Variants in RGPD4 observed in about 807,000 individuals in gnomAD.
The protein encoded by RGPD4 is ranBP2-like and GRIP domain-containing protein 4.
RGPD4 carries 84 observed loss-of-function variants against 141.1 expected under a neutral mutation model. That is an observed-to-expected ratio of 0.60 (90% CI 0.50 to 0.71). The LOEUF is 0.71. Among genes scored for constraint, RGPD4 ranks in the 30% least tolerant of loss-of-function variants. The probability of loss-of-function intolerance (pLI) is 0.00; values close to 1 mark genes in which losing one functional copy is unlikely to be tolerated. For synonymous variants in RGPD4, 298 were observed against 566.8 expected (o/e 0.53, Z 6.74); for missense variants, 918 against 1,622.4 (o/e 0.57, Z 7.46).
intron 7 of RGPD4, 36 bp downstream of exon 7, chr2:107,848,572 G>A: frequency 9.3e-6 from 1 of 106,976 alleles, no homozygotes. Context: ...ACATTTCACG[G>A]AGTCTTGATG....
intron 1 of RGPD4, among the ~76,000 whole-genome samples, chr2:107,827,583 G>C (rs867723948): frequency 7.0e-5 from 3 of 43,154 alleles, no homozygotes; most frequent in Non-Finnish European, 9.4e-5. Flanking sequence ...CTGTTGAGGC[G>C]GCGGCCTCGA....
At position 107,870,849 on chromosome 2, in the gene RGPD4, G is replaced by T. The variant is rs779774140; in HGVS notation, c.2845G>T (p.Ala949Ser). The T allele has an allele frequency of 6.2e-7, 1 of 1,610,540 alleles. No individual in the cohort carries two copies. Among genetic ancestry groups the T allele is most frequent in the Non-Finnish European group, 8.5e-7 (1 of 1,179,464 alleles). Residue 949 changes from alanine (A) to serine (S), a missense_variant, in exon 20 of 23, where the codon GCT becomes TCT. Coordinates refer to ENST00000408999, the MANE Select transcript of RGPD4 (RefSeq NM_182588.3). ...TCTTGAAAATGATACTGGCTTCCAGGCTCAGGATATTAGTGGCCAGAAGAA... is the reference window on the plus strand; with the variant it reads ...TCTTGAAAATGATACTGGCTTCCAGTCTCAGGATATTAGTGGCCAGAAGAA... ...KPLENDTGFQ[A>S]QDISGQKNGR...
At chr2:107,873,190 C>T (rs1357747695) in intron 20 of RGPD4, among the ~76,000 whole-genome samples, 6 of 56,544 alleles carry the variant, frequency 1.1e-4, no homozygotes, top group Admixed American at 1.8e-4. Flanking sequence ...GTACAGTGTA[C>T]GGACTCATGC....
chr2:107,831,552 A>C (rs1039600553), intron 1 of RGPD4, among the ~76,000 whole-genome samples: 32 of 85,732 alleles, frequency 3.7e-4, no homozygotes, highest in Admixed American at 4.8e-4. Flanking sequence ...CATTTTAGAC[A>C]TTTTCTTTTC....
At chr2:107,845,683 C>G (rs1380947365) in intron 6 of RGPD4, among the ~76,000 whole-genome samples, 3 of 152,282 alleles carry the variant, frequency 2.0e-5, no homozygotes, top group Non-Finnish European at 4.4e-5. Context: ...TCTGCCTCAG[C>G]CTCCTGAGTA....
intron 21 of RGPD4, 124 bp downstream of exon 21, chr2:107,880,231 T>C: frequency 7.7e-7 from 1 of 1,293,584 alleles, no homozygotes; most frequent in Non-Finnish European, 1.1e-6. Flanking sequence ...GATCTTTATA[T>C]TAGATTCCTG....
At chr2:107,882,295 TCTC>T (rs1398264161) in intron 21 of RGPD4, among the ~76,000 whole-genome samples, 2 of 149,702 alleles carry the variant, frequency 1.3e-5, no homozygotes, top group African/African-American at 4.9e-5. Flanking sequence ...ATCTACTTTT[TCTC>T]CTCTTGTATT....
intron 9 of RGPD4, among the ~76,000 whole-genome samples, chr2:107,857,855 G>C (rs1339449773): frequency 3.3e-5 from 5 of 151,756 alleles, no homozygotes; most frequent in African/African-American, 1.2e-4. Flanking sequence ...ATCCGGGGGT[G>C]GTGGCATGTG....
chr2:107,881,896 G>T (rs1171863189), intron 21 of RGPD4, among the ~76,000 whole-genome samples: 1 of 151,588 alleles, frequency 6.6e-6, no homozygotes, highest in Non-Finnish European at 1.5e-5. Flanking sequence ...CTGAACTTTT[G>T]ATTAAGTGCC....
rs1238600973 is a variant in RGPD4, at chr2:107,871,878, T to C, written c.3874T>C (p.Ser1292Pro). The change falls in exon 20 of 23, where the codon TCT becomes CCT. Residue 1292 changes from serine to proline, a missense_variant. Ser to Pro is a moderately conservative substitution (Grantham distance 74). Transcript: ENST00000408999. ...LFHFGESTTG[S>P]NFSFKSALSP... The stretch of plus-strand genomic sequence containing the variant: ...CCATTTTGGTGAGTCAACAACAGGA[T>C]CTAACTTCAGTTTTAAATCTGCTTT... 2 of 1,611,648 alleles carry C rather than the reference T, an allele frequency of 1.2e-6. No homozygotes were observed. Among genetic ancestry groups the C allele is most frequent in the Admixed American group, 3.3e-5 (2 of 59,994 alleles).
In RGPD4 at chr2:107,827,334, C is replaced by A. The variant is rs1443814079; in HGVS notation, c.72+249C>A. Among the ~76,000 whole-genome samples, 11 of 125,466 alleles carry A rather than the reference C, an allele frequency of 8.8e-5. 1 individual carries two copies. Among genetic ancestry groups the A allele is most frequent in the Non-Finnish European group, 1.7e-4 (10 of 59,334 alleles). The allele number at this position is 125,466 out of a possible 152,430, so 82.3% of individuals were successfully genotyped here. On this transcript the variant is annotated intron_variant, in intron 1 of 22. Transcript: ENST00000408999. ...AGGCGGCGGCCTCGACCCGGCCCGGCGGCGGCCTCGATGGCTCAGGCGTCA... is the reference window on the plus strand; with the variant it reads ...AGGCGGCGGCCTCGACCCGGCCCGGAGGCGGCCTCGATGGCTCAGGCGTCA...
Position 107,871,799 on chromosome 2 carries a change from T to C in RGPD4, c.3795T>C (p.Ser1265=), listed in dbSNP as rs1488026162. 1 of 1,611,432 alleles carries C rather than the reference T, an allele frequency of 6.2e-7. No individual in the cohort carries two copies. Among genetic ancestry groups the C allele is most frequent in the Non-Finnish European group, 8.5e-7 (1 of 1,179,870 alleles). ...REDALDDSVS[S]SSVHASPLAS... ...ATGCTTTGGATGATAGTGTCAGTAGTAGCTCAGTACATGCTTCTCCATTGG... is the reference window on the plus strand; with the variant it reads ...ATGCTTTGGATGATAGTGTCAGTAGCAGCTCAGTACATGCTTCTCCATTGG... The change falls in exon 20 of 23, where the codon AGT becomes AGC. Residue 1265 remains serine (S), a synonymous_variant. Transcript: ENST00000408999.
At position 107,871,371 on chromosome 2, in the gene RGPD4, C is replaced by T. The variant is rs1682912432; in HGVS notation, c.3367C>T (p.Leu1123=). ...WITTTMNLKP[L]SGSDRAWMWS... is the part of the protein sequence containing the mutation. Reference sequence around the variant, plus strand: ...AACGACTACAATGAACCTGAAGCCCCTGTCTGGATCAGATAGAGCATGGAT... The same window carrying T: ...AACGACTACAATGAACCTGAAGCCCTTGTCTGGATCAGATAGAGCATGGAT... The change falls in exon 20 of 23, where the codon CTG becomes TTG. Residue 1123 remains leucine, a synonymous_variant. Transcript: ENST00000408999. 1.9e-6 allele frequency: 2 copies of T among 1,067,870 alleles called. No homozygotes were observed. The highest frequency in any genetic ancestry group is 3.9e-5 in the Admixed American group (2 of 50,986). 66.1% of individuals were successfully genotyped at this position (1,067,870 alleles called of 1,614,324 possible).
At chr2:107,849,406 G>T (rs1202749494) in intron 7 of RGPD4, among the ~76,000 whole-genome samples, 1 of 107,050 alleles carries the variant, frequency 9.3e-6, no homozygotes, top group Non-Finnish European at 1.8e-5. Flanking sequence ...TCGCTCTGTC[G>T]CCCAGGCTGG....
intron 8 of RGPD4, among the ~76,000 whole-genome samples, chr2:107,855,551 T>G (rs1682277292): frequency 6.6e-6 from 1 of 151,832 alleles, no homozygotes; most frequent in Non-Finnish European, 1.5e-5. Context: ...AGGGTGCCTC[T>G]GTAAGTGTGC....
At chr2:107,875,800 AC>A (rs1451266976) in intron 20 of RGPD4, among the ~76,000 whole-genome samples, 1 of 118,412 alleles carries the variant, frequency 8.4e-6, no homozygotes, top group African/African-American at 3.4e-5. Context: ...GCAATTGTTA[AC>A]TTTCCTTACA....
chr2:107,858,011 A>G (rs2104454554), intron 9 of RGPD4, among the ~76,000 whole-genome samples: 1 of 152,128 alleles, frequency 6.6e-6, no homozygotes, highest in Admixed American at 6.5e-5. Context: ...TGTTGGAATT[A>G]TAGGCATGAG....
intron 22 of RGPD4, among the ~76,000 whole-genome samples, chr2:107,890,485 G>T (rs1227393961): frequency 1.5e-5 from 2 of 131,992 alleles, no homozygotes; most frequent in African/African-American, 2.9e-5. Context: ...GGAGATCAAG[G>T]CTGCACTGAA....
In RGPD4 at chr2:107,844,823, CTTTTTTGTTT is replaced by C. The variant is rs1237260255; in HGVS notation, c.782+1100_782+1109del. Among the ~76,000 whole-genome samples the C allele has an allele frequency of 1.7e-3, 89 of 53,814 alleles. 7 individuals are homozygous for C. The highest frequency in any genetic ancestry group is 3.1e-3 in the Non-Finnish European group (74 of 24,232). The allele number at this position is 53,814 out of a possible 152,430, so 35.3% of individuals were successfully genotyped here. Reference sequence around the variant, plus strand: ...GGTTCCTTTCTTTCTTTCTTTCTTTCTTTTTTGTTTTTTTTTTTTTTTTTTTTTTTTGAGA... The same window carrying C: ...GGTTCCTTTCTTTCTTTCTTTCTTTCTTTTTTTTTTTTTTTTTTTTTGAGA... On this transcript the variant is annotated intron_variant, in intron 6 of 22. Coordinates refer to ENST00000408999, the MANE Select transcript of RGPD4 (RefSeq NM_182588.3).
Sources: gnomAD v4.1 joint callset for allele counts (sites outside exome capture counted in the v4.1 genomes callset) on GRCh38, gnomAD v4.1.1 for gene constraint, MANE v1.5 for transcripts, NCBI Gene and HGNC (gene_info 2026-07-23, HGNC 2026-07-21) for gene names.